The following GLRX3 variants were observed in gnomAD, a reference collection of about 807,000 sequenced individuals.
GLRX3 encodes glutaredoxin 3, also known as glutaredoxin-3.
GLRX3 carries 22 observed loss-of-function variants against 49.5 expected under a neutral mutation model. The ratio of observed to expected loss-of-function variants is 0.44; its 90% CI spans 0.32 to 0.63. The LOEUF (loss-of-function observed/expected upper bound fraction) is 0.63. Among genes scored for constraint, GLRX3 ranks in the 30% least tolerant of loss-of-function variants. The pLI is 0.05. For synonymous variants in GLRX3, 133 were observed against 140.0 expected (o/e 0.95, Z 0.35); for missense variants, 385 against 396.3 (o/e 0.97, Z 0.24).
chr10:130,138,207 C>T (rs1413321818), intron 1 of GLRX3, among the ~76,000 whole-genome samples: 1 of 152,018 alleles, frequency 6.6e-6, no homozygotes, highest in Non-Finnish European at 1.5e-5. Context: ...CACGTGCGGT[C>T]CACCACGCTG....
chr10:130,150,021 G>A (rs12412987), intron 2 of GLRX3, among the ~76,000 whole-genome samples: 13,882 of 149,500 alleles, frequency 0.093, 822 homozygotes, highest in Non-Finnish European at 0.12. Flanking sequence ...GGTGGATCAC[G>A]AGGTCAGGAG....
intron 1 of GLRX3, among the ~76,000 whole-genome samples, chr10:130,136,853 T>G (rs1862064059): frequency 6.6e-6 from 1 of 151,946 alleles, no homozygotes; most frequent in Non-Finnish European, 1.5e-5. Flanking sequence ...GAGGCGGTGG[T>G]GACTCAGCCG....
intron 2 of GLRX3, among the ~76,000 whole-genome samples, chr10:130,151,222 G>A (rs1225832966): frequency 2.0e-5 from 3 of 152,124 alleles, no homozygotes; most frequent in East Asian, 1.9e-4. Flanking sequence ...CATCGTGCCC[G>A]GCTCTGGTAG....
At chr10:130,143,501 A>G (rs1862212750) in intron 1 of GLRX3, among the ~76,000 whole-genome samples, 1 of 152,078 alleles carries the variant, frequency 6.6e-6, no homozygotes, top group South Asian at 2.1e-4. Flanking sequence ...TGAGTTATTA[A>G]TATATTCTGT....
At chr10:130,150,053 A>G (rs528254683) in intron 2 of GLRX3, among the ~76,000 whole-genome samples, 3 of 151,476 alleles carry the variant, frequency 2.0e-5, no homozygotes, top group East Asian at 3.9e-4. Context: ...CCTGGCTAAC[A>G]CGGTGAAACC....
chr10:130,171,364 C>T (rs1179987077), intron 7 of GLRX3, among the ~76,000 whole-genome samples: 1 of 151,892 alleles, frequency 6.6e-6, no homozygotes, highest in Non-Finnish European at 1.5e-5. Flanking sequence ...CAAGTGGTTA[C>T]AAACCAAAGG....
intron 2 of GLRX3, among the ~76,000 whole-genome samples, chr10:130,156,711 G>C (rs1862477706): frequency 6.6e-6 from 1 of 152,158 alleles, no homozygotes; most frequent in Admixed American, 6.5e-5. Context: ...AATAGAGAGA[G>C]GATTCCCCAT....
Position 130,171,679 on chromosome 10 carries a change from A to G in GLRX3, c.824+43A>G, listed in dbSNP as rs748176726. ...TCAAATGGTGTATTAAAAAAATTCC[A>G]ACCTGGCCAGGCGTAGTGGCTCACG... On this transcript the variant is annotated intron_variant, in intron 8 of 10. Coordinates refer to ENST00000331244, the MANE Select transcript of GLRX3 (RefSeq NM_006541.5). 4.7e-6 allele frequency: 5 copies of G among 1,056,636 alleles called. No individual in the cohort carries two copies. The South Asian group carries it at 6.3e-5, about 13-fold the overall frequency. The allele number at this position is 1,056,636 out of a possible 1,614,324, so 65.5% of individuals were successfully genotyped here.
intron 2 of GLRX3, among the ~76,000 whole-genome samples, chr10:130,154,302 C>T (rs961027699): frequency 3.9e-5 from 6 of 152,166 alleles, no homozygotes; most frequent in Non-Finnish European, 5.9e-5. Flanking sequence ...GGTGAGGTGA[C>T]GCCCTGCCCT....
chr10:130,139,746 A>G (rs1378088134), intron 1 of GLRX3, among the ~76,000 whole-genome samples: 8 of 152,052 alleles, frequency 5.3e-5, no homozygotes, highest in Admixed American at 5.2e-4. Flanking sequence ...AGCTTGAACA[A>G]CATAGAACCC....
At chr10:130,161,761 C>CTT (rs754507663) in intron 4 of GLRX3, among the ~76,000 whole-genome samples, 31 of 152,258 alleles carry the variant, frequency 2.0e-4, no homozygotes, top group African/African-American at 7.2e-4. Context: ...TGTTGAGACT[C>CTT]TAAGAGTATT....
chr10:130,164,519 C>T (rs548681074), intron 4 of GLRX3, among the ~76,000 whole-genome samples: 55 of 152,174 alleles, frequency 3.6e-4, no homozygotes, highest in African/African-American at 1.2e-3. Context: ...TGATGAGATG[C>T]GGTGTTAGGC....
chr10:130,166,966 C>A lies in GLRX3; in HGVS notation c.699C>A (p.Pro233=). The change falls in exon 6 of 11, where the codon CCC becomes CCA. Residue 233 remains proline (P), a synonymous_variant. Coordinates refer to ENST00000331244, the MANE Select transcript of GLRX3 (RefSeq NM_006541.5). ...EELDTICPKA[P]KLEERLKVLT... is the part of the protein sequence containing the mutation. ...TAGATACAATTTGTCCCAAAGCTCC[C>A]AAATTAGAGGAAAGGTAAGTGTTTT... 1 of 1,584,452 alleles carries A rather than the reference C, an allele frequency of 6.3e-7. No individual in the cohort carries two copies. The highest frequency in any genetic ancestry group is 8.6e-7 in the Non-Finnish European group (1 of 1,160,546).
rs113045380 is a variant in GLRX3, at chr10:130,142,602, A to G, written c.93-2609A>G. Among the ~76,000 whole-genome samples the G allele has an allele frequency of 1.6e-4, 25 of 152,264 alleles. 2 individuals carry two copies. The highest frequency in any genetic ancestry group is 5.8e-4 in the African/African-American group (24 of 41,550). On this transcript the variant is annotated intron_variant, in intron 1 of 10. Transcript: ENST00000331244. ...TGATTTTGTCTTTTTCTCTGCCTGT[A>G]CAGATCTCTTAGAGTACATCTCTGC...
chr10:130,139,805 G>A (rs1243267787), intron 1 of GLRX3, among the ~76,000 whole-genome samples: 1 of 152,108 alleles, frequency 6.6e-6, no homozygotes, highest in Non-Finnish European at 1.5e-5. Context: ...ATGCATGCCT[G>A]TAGTCCCCAG....
chr10:130,160,575 A>G (rs1862555373), intron 3 of GLRX3, among the ~76,000 whole-genome samples: 1 of 152,108 alleles, frequency 6.6e-6, no homozygotes, highest in Non-Finnish European at 1.5e-5. Context: ...TGTTAGACTG[A>G]CCTGATTTGA....
chr10:130,178,274 G>T (rs918833993), intron 10 of GLRX3, among the ~76,000 whole-genome samples: 1 of 151,994 alleles, frequency 6.6e-6, no homozygotes, highest in African/African-American at 2.4e-5. Flanking sequence ...TCGAGACAGA[G>T]TCTCACTCTG....
intron 2 of GLRX3, among the ~76,000 whole-genome samples, chr10:130,151,148 G>T (rs1862369276): frequency 6.6e-6 from 1 of 151,926 alleles, no homozygotes; most frequent in Admixed American, 6.6e-5. Context: ...GGCTGGTTTC[G>T]AACTCATGAC....
chr10:130,177,344 G>A (rs968844532), intron 10 of GLRX3, among the ~76,000 whole-genome samples: 1 of 152,190 alleles, frequency 6.6e-6, no homozygotes, highest in African/African-American at 2.4e-5. Context: ...AAGACAGTTT[G>A]TTGAGAGAGA....
Sources: gnomAD v4.1 joint callset for allele counts (sites outside exome capture counted in the v4.1 genomes callset) on GRCh38, gnomAD v4.1.1 for gene constraint, MANE v1.5 for transcripts, NCBI Gene and HGNC (gene_info 2026-07-23, HGNC 2026-07-21) for gene names.